Variants in CACNA2D3 observed in about 807,000 individuals in gnomAD.
CACNA2D3 encodes the protein voltage-dependent calcium channel subunit alpha-2/delta-3.
CACNA2D3 carries 60 observed loss-of-function variants against 160.6 expected under a neutral mutation model. The ratio of observed to expected loss-of-function variants is 0.37; its 90% CI spans 0.30 to 0.46. The LOEUF (loss-of-function observed/expected upper bound fraction) is 0.46, where lower values mean the gene tolerates loss of function less well. Ranked by LOEUF, CACNA2D3 falls within the 20% of genes least tolerant of loss-of-function variation. CACNA2D3 has a pLI of 1.00. For synonymous variants in CACNA2D3, 558 were observed against 492.9 expected (o/e 1.13, Z -1.75); for missense variants, 1,205 against 1,365.0 (o/e 0.88, Z 1.85).
chr3:54,426,785 T>G (rs924233734), intron 4 of CACNA2D3, among the ~76,000 whole-genome samples: 7 of 152,348 alleles, frequency 4.6e-5, no homozygotes, highest in Middle Eastern at 3.4e-3. Flanking sequence ...TCTTTGATTT[T>G]TTTTTTCATT....
intron 4 of CACNA2D3, among the ~76,000 whole-genome samples, chr3:54,494,779 C>G (rs1701177039): frequency 6.6e-6 from 1 of 152,080 alleles, no homozygotes; most frequent in African/African-American, 2.4e-5. Flanking sequence ...AGGAAACTTA[C>G]AATCATGGCA....
intron 11 of CACNA2D3, among the ~76,000 whole-genome samples, chr3:54,650,867 T>A (rs1017708388): frequency 6.6e-6 from 1 of 152,222 alleles, no homozygotes; most frequent in African/African-American, 2.4e-5. Context: ...TAATGATAGC[T>A]AATTCCTACT....
At chr3:54,479,507 A>T (rs1700898155) in intron 4 of CACNA2D3, among the ~76,000 whole-genome samples, 1 of 152,180 alleles carries the variant, frequency 6.6e-6, no homozygotes, top group Non-Finnish European at 1.5e-5. Flanking sequence ...CCTTTCTGGA[A>T]CCTGCTTCCT....
intron 11 of CACNA2D3, among the ~76,000 whole-genome samples, chr3:54,711,955 C>G (rs1041160574): frequency 1.3e-5 from 2 of 152,108 alleles, no homozygotes; most frequent in African/African-American, 4.8e-5. Context: ...TTATCAAATA[C>G]AGCCTGTGTT....
At position 54,133,666 on chromosome 3, in the gene CACNA2D3, C is replaced by T. The variant is rs191704174; in HGVS notation, c.204+10072C>T. 1.0e-3 allele frequency among the ~76,000 whole-genome samples: 159 copies of T among 152,162 alleles called. 4 individuals are homozygous for T. The highest frequency in any genetic ancestry group is 1.3e-3 in the Non-Finnish European group (86 of 68,034). ...GCCCTCTAGCTTTCTATACTTCTCC[C>T]TTTTTGTCATAATAAACTGATGCTG... On this transcript the variant is annotated intron_variant, in intron 2 of 37. Coordinates refer to ENST00000474759, the MANE Select transcript of CACNA2D3 (RefSeq NM_018398.3).
At chr3:54,387,086 A>G (rs559686055) in intron 4 of CACNA2D3, among the ~76,000 whole-genome samples, 91 of 152,376 alleles carry the variant, frequency 6.0e-4, no homozygotes, top group African/African-American at 2.1e-3. Flanking sequence ...AATTGATAAG[A>G]TAGCAGAATA....
intron 3 of CACNA2D3, among the ~76,000 whole-genome samples, chr3:54,369,721 C>T (rs1698890308): frequency 6.6e-6 from 1 of 152,220 alleles, no homozygotes; most frequent in African/African-American, 2.4e-5. Flanking sequence ...TCTGAAAGTT[C>T]ATTCAGATTC....
intron 10 of CACNA2D3, among the ~76,000 whole-genome samples, chr3:54,634,799 G>A (rs897736852): frequency 6.6e-6 from 1 of 152,128 alleles, no homozygotes; most frequent in African/African-American, 2.4e-5. Context: ...TTCTTTTGTG[G>A]TGGAATGTCA....
At chr3:54,354,871 A>G (rs1391190354) in intron 3 of CACNA2D3, among the ~76,000 whole-genome samples, 2 of 152,214 alleles carry the variant, frequency 1.3e-5, no homozygotes, top group African/African-American at 4.8e-5. Context: ...GCTCAACAAC[A>G]ATCATAAAAA....
At chr3:54,194,263 A>G (rs990482307) in intron 2 of CACNA2D3, among the ~76,000 whole-genome samples, 6 of 152,204 alleles carry the variant, frequency 3.9e-5, no homozygotes, top group Admixed American at 6.5e-5. Context: ...AATATGCAAG[A>G]AGATGGATAC....
chr3:55,043,995 C>T (rs757034116), intron 35 of CACNA2D3, among the ~76,000 whole-genome samples: 2 of 152,040 alleles, frequency 1.3e-5, no homozygotes, highest in African/African-American at 4.8e-5. Context: ...AATATAAAAC[C>T]GTCTTGATTA....
At chr3:55,022,622 CCCTT>C (rs1703483881) in intron 35 of CACNA2D3, among the ~76,000 whole-genome samples, 1 of 137,846 alleles carries the variant, frequency 7.3e-6, no homozygotes, top group African/African-American at 2.6e-5. Context: ...CTCCCTCCCT[CCCTT>C]CCTCCTTCCT....
At chr3:54,154,214 G>T (rs920569638) in intron 2 of CACNA2D3, among the ~76,000 whole-genome samples, 11 of 152,056 alleles carry the variant, frequency 7.2e-5, no homozygotes, top group African/African-American at 2.7e-4. Flanking sequence ...TATGTATCAA[G>T]TTTTTTTAAA....
intron 14 of CACNA2D3, among the ~76,000 whole-genome samples, chr3:54,827,382 CAGAA>C (rs1485877464): frequency 5.9e-5 from 9 of 152,292 alleles, no homozygotes; most frequent in Admixed American, 4.6e-4. Flanking sequence ...GATGGATAGA[CAGAA>C]GGAAGGATGG....
At chr3:54,329,215 C>T (rs1441601206) in intron 3 of CACNA2D3, among the ~76,000 whole-genome samples, 1 of 151,944 alleles carries the variant, frequency 6.6e-6, no homozygotes, top group East Asian at 1.9e-4. Flanking sequence ...TACTCTTTCC[C>T]CTTGTTTAAC....
intron 31 of CACNA2D3, among the ~76,000 whole-genome samples, chr3:54,996,452 A>T (rs947629863): frequency 2.0e-5 from 3 of 152,208 alleles, no homozygotes; most frequent in Non-Finnish European, 2.9e-5. Flanking sequence ...CATGAATTTG[A>T]TCACTTGCCC....
At position 54,687,121 on chromosome 3, in the gene CACNA2D3, C is replaced by CTTTTTCTTTTTCT; in HGVS notation, c.1167+44885_1167+44886insCTTTTTCTTTTTT. On this transcript the variant is annotated intron_variant, in intron 11 of 37. Transcript: ENST00000474759. ...AAATCGGATTTTTCTTTTTCTTTTT[C>CTTTTTCTTTTTCT]TTTTTTTTTTTTTGTTTTTTTTTTT... Among the ~76,000 whole-genome samples the CTTTTTCTTTTTCT allele has an allele frequency of 2.0e-3, 194 of 94,864 alleles. 2 individuals carry two copies. Among genetic ancestry groups the CTTTTTCTTTTTCT allele is most frequent in the African/African-American group, 5.4e-3 (135 of 24,968 alleles). The allele number at this position is 94,864 out of a possible 152,430, so 62.2% of individuals were successfully genotyped here. A position where few individuals can be genotyped will look rare whatever the true frequency, so the allele number is the denominator to read the frequency against.
At chr3:54,808,398 G>A (rs566688781) in intron 13 of CACNA2D3, among the ~76,000 whole-genome samples, 129 of 152,150 alleles carry the variant, frequency 8.5e-4, no homozygotes, top group African/African-American at 2.9e-3. Flanking sequence ...AGGCCTATTT[G>A]ATGATCTTTC....
At chr3:54,529,652 G>C (rs1701776925) in intron 5 of CACNA2D3, among the ~76,000 whole-genome samples, 1 of 152,162 alleles carries the variant, frequency 6.6e-6, no homozygotes, top group East Asian at 1.9e-4. Flanking sequence ...ACTGCTCGGA[G>C]GCTGGCCCAG....
Sources: allele counts gnomAD v4.1 joint callset (sites outside exome capture counted in the v4.1 genomes callset), GRCh38; gene constraint gnomAD v4.1.1; transcripts MANE v1.5; gene names NCBI Gene and HGNC (gene_info 2026-07-23, HGNC 2026-07-21).